Variants in ARID1B observed in about 807,000 individuals in gnomAD.
ARID1B encodes AT-rich interaction domain 1B, also known as AT-rich interactive domain-containing protein 1B.
In ARID1B, 30 loss-of-function variants were observed where a neutral mutation model predicts 212.3. The observed-to-expected ratio is 0.14, with a 90% CI of 0.11 to 0.19. ARID1B has a LOEUF of 0.19. Ranked by LOEUF, ARID1B falls within the 10% of genes least tolerant of loss-of-function variation. The pLI is 1.00. For synonymous variants in ARID1B, 1,402 were observed against 1,301.7 expected, an observed-to-expected ratio of 1.08 and a Z score of -1.66; for missense variants, 2,891 against 3,204.0, an observed-to-expected ratio of 0.90 and a Z score of 2.36.
At chr6:157,029,552 G>T (rs1780896579) in intron 4 of ARID1B, among the ~76,000 whole-genome samples, 1 of 152,204 alleles carries the variant, frequency 6.6e-6, no homozygotes, top group African/African-American at 2.4e-5. Flanking sequence ...ATACACAAAT[G>T]AATAAACAAG....
At chr6:156,965,690 A>G (rs1794694249) in intron 4 of ARID1B, among the ~76,000 whole-genome samples, 1 of 152,198 alleles carries the variant, frequency 6.6e-6, no homozygotes, top group Non-Finnish European at 1.5e-5. Flanking sequence ...GTGGTTTTGA[A>G]ATTTTGGAAC....
chr6:156,856,515 C>T (rs931410581), intron 2 of ARID1B, among the ~76,000 whole-genome samples: 3 of 152,042 alleles, frequency 2.0e-5, no homozygotes, highest in Admixed American at 6.6e-5. Flanking sequence ...GTGGAGAAGC[C>T]GGGGTTGCAT....
intron 1 of ARID1B, among the ~76,000 whole-genome samples, chr6:156,827,955 T>G (rs1232389408): frequency 1.3e-5 from 2 of 151,686 alleles, no homozygotes; most frequent in African/African-American, 4.8e-5. Flanking sequence ...GAGACGGGGT[T>G]TCACCATGTT....
chr6:157,039,648 TC>T (rs1781616245), intron 4 of ARID1B, among the ~76,000 whole-genome samples: 7 of 41,006 alleles, frequency 1.7e-4, no homozygotes, highest in Admixed American at 3.7e-4. Context: ...CTTCCTTCTT[TC>T]CTTCCTTCCT....
rs770643408 is a variant in ARID1B, at chr6:157,200,925, C to T, written c.4700C>T (p.Pro1567Leu). The T allele has an allele frequency of 1.6e-5, 26 of 1,613,672 alleles. No homozygotes were observed. The highest frequency in any genetic ancestry group is 6.7e-5 in the African/African-American group (5 of 74,936). ...GPGQIQTHGI[P>L]PQMMGGPLQS... ...GGGCAGATCCAGACACACGGAATCC[C>T]GCCTCAGATGATGGGCGGCCCGCTG... The change falls in exon 18 of 20, where the codon CCG becomes CTG. Residue 1567 changes from proline to leucine, a missense_variant. Pro to Leu is a moderately conservative substitution (Grantham distance 98). This residue lies in a region of ARID1B where 666 missense variants were observed against 873.5 expected (regional missense o/e 0.76). Transcript: ENST00000636930. The surrounding 1 kb of genome is among the most constrained non-coding windows in gnomAD (Gnocchi z 4.3).
intron 4 of ARID1B, among the ~76,000 whole-genome samples, chr6:157,039,312 T>C (rs1781541426): frequency 7.0e-6 from 1 of 143,566 alleles, no homozygotes; most frequent in Non-Finnish European, 1.5e-5. Flanking sequence ...AAATGGGAAA[T>C]TTGACATTTC....
At chr6:156,776,382 T>C (rs1778624623), upstream of ARID1B, 1 of 152,218 alleles carries the variant, frequency 6.6e-6, no homozygotes, top group Non-Finnish European at 1.5e-5. Context: ...TTTTATATTA[T>C]TATTGAAGTT....
chr6:156,809,713 G>GGAA (rs1554254038), intron 1 of ARID1B, among the ~76,000 whole-genome samples: 10 of 104,454 alleles, frequency 9.6e-5, no homozygotes, highest in African/African-American at 3.1e-4. Flanking sequence ...CTTTTTCAAA[G>GGAA]AAAAAAAAAA....
intron 1 of ARID1B, among the ~76,000 whole-genome samples, chr6:156,785,524 G>GT (rs112331619): frequency 0.076 from 11,362 of 149,174 alleles, 1,429 homozygotes; most frequent in African/African-American, 0.26. Context: ...TAAATATATG[G>GT]TTTTTTTTTT....
chr6:156,829,136 G>T, intron 1 of ARID1B, 91 bp from the exon 2 acceptor site: 1 of 1,006,986 alleles, frequency 9.9e-7, no homozygotes, highest in Non-Finnish European at 1.5e-6. Flanking sequence ...AAGGATAGTT[G>T]TGTTATTAAT....
chr6:157,158,504 C>T (rs1030227883), intron 8 of ARID1B, among the ~76,000 whole-genome samples: 1 of 152,148 alleles, frequency 6.6e-6, no homozygotes, highest in South Asian at 2.1e-4. Flanking sequence ...TTAGATAGAA[C>T]GCATGTAAGA....
At chr6:156,776,779 T>C (rs1489576571), upstream of ARID1B, 1 of 152,182 alleles carries the variant, frequency 6.6e-6, no homozygotes, top group African/African-American at 2.4e-5. Flanking sequence ...GTCATAAGCA[T>C]TTATTGAGTA....
At chr6:156,797,890 AC>A (rs1402526781) in intron 1 of ARID1B, among the ~76,000 whole-genome samples, 4 of 152,118 alleles carry the variant, frequency 2.6e-5, no homozygotes, top group Non-Finnish European at 4.4e-5. Context: ...AAGAGGAGCC[AC>A]CCAGAGAGCC....
At chr6:157,021,463 C>G (rs1178828987) in intron 4 of ARID1B, among the ~76,000 whole-genome samples, 2 of 152,190 alleles carry the variant, frequency 1.3e-5, no homozygotes, top group Non-Finnish European at 2.9e-5. Context: ...CGGCCTCTGC[C>G]GGCAGGCCCC....
rs74398289 is a variant in ARID1B at position 157,097,950 on chromosome 6, A to C, written c.2492-12522A>C. ...CTATACAAAATTGCAAGGTTGTTAG[A>C]ATCTAAAATGCACAGCAGTCGATTT... is the stretch of plus-strand genomic sequence containing the variant. On this transcript the variant is annotated intron_variant, in intron 5 of 19. Transcript: ENST00000636930. Among the ~76,000 whole-genome samples the C allele has an allele frequency of 1.4e-3, 206 of 152,354 alleles. 2 individuals carry two copies. Among genetic ancestry groups the C allele is most frequent in the African/African-American group, 4.9e-3 (203 of 41,576 alleles).
At position 157,208,075 on chromosome 6, in the gene ARID1B, T is replaced by C. The variant is rs1421298768; in HGVS notation, c.*184T>C. ...AATTTGAACAGTTATGAAATTAATA[T>C]TTGCTGTCTGTGTGTATAAGTACAT... On this transcript the variant is annotated 3_prime_UTR_variant, in exon 20 of 20. Coordinates refer to ENST00000636930, the MANE Select transcript of ARID1B (RefSeq NM_001374828.1). The C allele has an allele frequency of 1.5e-6, 1 of 655,240 alleles. No homozygotes were observed. The highest frequency in any genetic ancestry group is 1.9e-5 in the African/African-American group (1 of 53,362). 40.6% of individuals were successfully genotyped at this position (655,240 alleles called of 1,614,324 possible). A position where few individuals can be genotyped will look rare whatever the true frequency, so the allele number is the denominator to read the frequency against.
chr6:157,120,938 C>T (rs1234106520), intron 6 of ARID1B, among the ~76,000 whole-genome samples: 7 of 152,146 alleles, frequency 4.6e-5, no homozygotes. Flanking sequence ...TGGCCACGCA[C>T]GCTTTCTGTG....
chr6:157,119,409 C>G (rs1233411030), intron 6 of ARID1B, among the ~76,000 whole-genome samples: 8 of 152,134 alleles, frequency 5.3e-5, no homozygotes, highest in African/African-American at 1.9e-4. Context: ...TTATCCAGCC[C>G]CGGCTTCCTT....
intron 2 of ARID1B, among the ~76,000 whole-genome samples, chr6:156,859,566 A>G (rs1342322956): frequency 6.6e-6 from 1 of 152,220 alleles, no homozygotes; most frequent in African/African-American, 2.4e-5. Flanking sequence ...GGTGTGCTGT[A>G]GTGCACCTGT....
Sources: gnomAD v4.1 joint callset for allele counts (sites outside exome capture counted in the v4.1 genomes callset) on GRCh38, gnomAD v4.1.1 for gene constraint, gnomAD v4.1.1 regional missense constraint, Gnocchi (gnomAD v3.1) non-coding constraint, MANE v1.5 for transcripts, NCBI Gene and HGNC (gene_info 2026-07-23, HGNC 2026-07-21) for gene names.